Variants in TBC1D1 observed in about 807,000 individuals in gnomAD.
TBC1D1 encodes TBC1 domain family member 1.
In TBC1D1, 89 loss-of-function variants were observed where a neutral mutation model predicts 125.6. The observed-to-expected ratio is 0.71, with a 90% CI of 0.60 to 0.85. TBC1D1 has a LOEUF of 0.85. TBC1D1 is among the 40% of genes least tolerant of loss of function. TBC1D1 has a pLI of 0.00. For missense variants in TBC1D1, 1,377 were observed against 1,469.2 expected (o/e 0.94, Z 1.03); for synonymous variants, 565 against 564.1 (o/e 1.00, Z -0.02).
At chr4:37,979,417 G>A (rs1341675419) in intron 2 of TBC1D1, among the ~76,000 whole-genome samples, 1 of 152,176 alleles carries the variant, frequency 6.6e-6, no homozygotes, top group African/African-American at 2.4e-5. Flanking sequence ...ATTTCTTGGA[G>A]TTATAGATTG....
chr4:37,990,811 C>G (rs904911914), intron 2 of TBC1D1, among the ~76,000 whole-genome samples: 1 of 152,142 alleles, frequency 6.6e-6, no homozygotes, highest in Admixed American at 6.5e-5. Flanking sequence ...AGAATGTGGT[C>G]TCTGGATATT....
chr4:38,083,763 C>T (rs1024007531), intron 12 of TBC1D1, among the ~76,000 whole-genome samples: 3 of 152,148 alleles, frequency 2.0e-5, no homozygotes, highest in African/African-American at 4.8e-5. Flanking sequence ...ACCTTATAAA[C>T]GGCTGAAATT....
At chr4:37,963,324 A>G (rs531769226) in intron 2 of TBC1D1, among the ~76,000 whole-genome samples, 26 of 151,172 alleles carry the variant, frequency 1.7e-4, no homozygotes, top group African/African-American at 6.1e-4. Flanking sequence ...CAAAGCTTCC[A>G]GTCATGGCGG....
chr4:38,071,017 T>C (rs1241708559), intron 12 of TBC1D1, among the ~76,000 whole-genome samples: 1 of 152,238 alleles, frequency 6.6e-6, no homozygotes, highest in East Asian at 1.9e-4. Flanking sequence ...TTGGGGATTT[T>C]TCCCCTTTTC....
At chr4:38,119,216 A>G (rs2152585721) in intron 17 of TBC1D1, among the ~76,000 whole-genome samples, 1 of 152,332 alleles carries the variant, frequency 6.6e-6, no homozygotes, top group South Asian at 2.1e-4. Context: ...TACTTCAGAC[A>G]TGCTTTGGGT....
rs555767777 is a variant in TBC1D1, at chr4:37,928,235, T to G, written c.417+25723T>G. 1.8e-4 allele frequency among the ~76,000 whole-genome samples: 27 copies of G among 152,334 alleles called. No individual in the cohort carries two copies. The South Asian group carries it at 5.2e-3, about 29-fold the overall frequency. On this transcript the variant is annotated intron_variant, in intron 2 of 19. Transcript: ENST00000261439. ...AGCTATCACATGAAAAATAATATGA[T>G]TATCTTCTGGAAGTCAGATACAATT... is the stretch of plus-strand genomic sequence containing the variant.
chr4:37,947,593 C>T (rs1236881210), intron 2 of TBC1D1, among the ~76,000 whole-genome samples: 1 of 152,146 alleles, frequency 6.6e-6, no homozygotes, highest in Non-Finnish European at 1.5e-5. Context: ...CCCCAGGTTA[C>T]ACCAGGTGAG....
At chr4:37,903,684 C>T (rs1209308752) in intron 2 of TBC1D1, among the ~76,000 whole-genome samples, 1 of 152,136 alleles carries the variant, frequency 6.6e-6, no homozygotes, top group East Asian at 1.9e-4. Flanking sequence ...AGTAGATGCC[C>T]TTTTGCTTGT....
intron 2 of TBC1D1, among the ~76,000 whole-genome samples, chr4:37,994,911 T>TA (rs1232630356): frequency 6.6e-6 from 1 of 151,930 alleles, no homozygotes; most frequent in Non-Finnish European, 1.5e-5. Flanking sequence ...AAGCTGGGAC[T>TA]AACTCCATGG....
chr4:38,124,964 A>G lies in TBC1D1; in HGVS notation c.2965A>G (p.Met989Val). ...TCTGCATTTCTGTGTTTTCTCAGAT[A>G]TGATTTTTCTTCAGGGAACAGAGGT... Residue 989 changes from methionine (M) to valine (V), a missense_variant and splice_region_variant, in exon 18 of 20, where the codon ATG becomes GTG. Met to Val is a conservative substitution (Grantham distance 21). Transcript: ENST00000261439. 6.2e-7 allele frequency: 1 copy of G among 1,613,212 alleles called. No homozygotes were observed. Among genetic ancestry groups the G allele is most frequent in the Non-Finnish European group, 8.5e-7 (1 of 1,179,694 alleles).
rs116694238 is a variant in TBC1D1, at chr4:38,054,247, T to C, written c.1959T>C (p.Pro653=). The C allele has an allele frequency of 1.6e-4, 261 of 1,614,226 alleles. No homozygotes were observed. In the African/African-American group the frequency reaches 3.3e-3, roughly 20 times the overall value. ...ATCTTGGTGATTCTGGTGGGACTCC[T>C]GTGAAGACCCGGAGGCATTCCTGGA... The change falls in exon 12 of 20, where the codon CCT becomes CCC. Residue 653 remains proline (P), a synonymous_variant. Coordinates refer to ENST00000261439, the MANE Select transcript of TBC1D1 (RefSeq NM_015173.4).
At chr4:38,068,875 G>T (rs1259250671) in intron 12 of TBC1D1, among the ~76,000 whole-genome samples, 2 of 152,186 alleles carry the variant, frequency 1.3e-5, no homozygotes, top group Non-Finnish European at 2.9e-5. Context: ...GAGATCTCCA[G>T]TCCCCCCAGC....
chr4:37,956,723 G>A (rs1027027196), intron 2 of TBC1D1, among the ~76,000 whole-genome samples: 8 of 152,072 alleles, frequency 5.3e-5, no homozygotes, highest in African/African-American at 1.7e-4. Context: ...GAGATGGGCA[G>A]ATCACTTGAG....
chr4:38,066,521 CAG>C (rs1753754525), intron 12 of TBC1D1, among the ~76,000 whole-genome samples: 1 of 151,858 alleles, frequency 6.6e-6, no homozygotes, highest in Non-Finnish European at 1.5e-5. Flanking sequence ...TTTGTAGAGA[CAG>C]GGTCTCACCA....
At chr4:38,099,911 T>G (rs1760014082) in intron 14 of TBC1D1, among the ~76,000 whole-genome samples, 1 of 152,246 alleles carries the variant, frequency 6.6e-6, no homozygotes, top group Non-Finnish European at 1.5e-5. Context: ...AATATTCTTT[T>G]CTTTCAAAAA....
intron 12 of TBC1D1, among the ~76,000 whole-genome samples, chr4:38,088,784 G>A (rs748311065): frequency 6.6e-6 from 1 of 152,074 alleles, no homozygotes; most frequent in Non-Finnish European, 1.5e-5. Flanking sequence ...AGCATCAGGA[G>A]GTTAAGCAAC....
chr4:37,992,443 G>A (rs1736776767), intron 2 of TBC1D1, among the ~76,000 whole-genome samples: 1 of 151,794 alleles, frequency 6.6e-6, no homozygotes, highest in African/African-American at 2.4e-5. Flanking sequence ...TTAAGGAAAA[G>A]AGAATGAGCT....
chr4:37,943,019 A>G (rs1256689186), intron 2 of TBC1D1, among the ~76,000 whole-genome samples: 2 of 152,192 alleles, frequency 1.3e-5, no homozygotes, highest in Non-Finnish European at 2.9e-5. Context: ...GAGCTCTTGC[A>G]GGACAGGCCT....
intron 2 of TBC1D1, among the ~76,000 whole-genome samples, chr4:37,921,475 C>G (rs759682691): frequency 6.6e-6 from 1 of 151,264 alleles, no homozygotes; most frequent in African/African-American, 2.4e-5. Flanking sequence ...GGCGTGATCT[C>G]GGCTCACTGC....
Sources: allele counts gnomAD v4.1 joint callset (sites outside exome capture counted in the v4.1 genomes callset), GRCh38; gene constraint gnomAD v4.1.1; transcripts MANE v1.5; gene names NCBI Gene and HGNC (gene_info 2026-07-23, HGNC 2026-07-21).